The following CSMD1 variants were observed in gnomAD, a reference collection of about 807,000 sequenced individuals.
The protein encoded by CSMD1 is CUB and Sushi multiple domains 1.
A neutral mutation model predicts 417.5 loss-of-function variants in CSMD1; 213 were observed. The observed-to-expected ratio is 0.51, with a 90% CI of 0.46 to 0.57. CSMD1 has a LOEUF of 0.57. Ranked by LOEUF, CSMD1 falls within the 20% of genes least tolerant of loss-of-function variation. The pLI is 0.00. For missense variants in CSMD1, 6,923 were observed against 4,529.7 expected (o/e 1.53, Z -15.17); for synonymous variants, 2,862 against 1,736.8 (o/e 1.65, Z -16.11).
rs368344632 is a variant in CSMD1, at chr8:4,745,810, G to C, written c.86-108252C>G. On this transcript the variant is annotated intron_variant, in intron 1 of 69. Coordinates refer to ENST00000635120, the MANE Select transcript of CSMD1 (RefSeq NM_033225.6). Reference sequence around the variant, plus strand: ...CTACCACAAGTACAGTGAGATGCTAGTACAAATGAGGGGTGAAGAAGATGC... The same window carrying C: ...CTACCACAAGTACAGTGAGATGCTACTACAAATGAGGGGTGAAGAAGATGC... 6.6e-5 allele frequency among the ~76,000 whole-genome samples: 10 copies of C among 152,244 alleles called. 1 individual carries two copies. In the East Asian group the frequency reaches 9.7e-4, roughly 15 times the overall value.
intron 43 of CSMD1, among the ~76,000 whole-genome samples, chr8:3,109,709 G>C (rs1344012321): frequency 6.6e-6 from 1 of 151,646 alleles, no homozygotes; most frequent in Non-Finnish European, 1.5e-5. Flanking sequence ...TGCTCCCCCT[G>C]TGGGCTCCAA....
chr8:3,839,369 C>G (rs1339977208), intron 5 of CSMD1, among the ~76,000 whole-genome samples: 3 of 66,588 alleles, frequency 4.5e-5, no homozygotes, highest in Non-Finnish European at 5.7e-5. Context: ...AATATATACT[C>G]TCTCTAGATA....
At position 4,986,291 on chromosome 8, in the gene CSMD1, A is replaced by C. The variant is rs1240181364; in HGVS notation, c.85+8041T>G. ...CTATCAAGGAGGTGTAATTTTATAG[A>C]AAAGGGAATGATGAGAGTCCCCGAC... On this transcript the variant is annotated intron_variant, in intron 1 of 69. Coordinates refer to ENST00000635120, the MANE Select transcript of CSMD1 (RefSeq NM_033225.6). Among the ~76,000 whole-genome samples, 4 of 152,192 alleles carry C rather than the reference A, an allele frequency of 2.6e-5. No individual in the cohort carries two copies. The East Asian group carries it at 7.7e-4, about 29-fold the overall frequency.
In CSMD1 at chr8:3,187,956, T is replaced by C; in HGVS notation, c.5533A>G (p.Ile1845Val). Residue 1845 changes from isoleucine to valine, a missense_variant, in exon 36 of 70, where the codon ATC (isoleucine) becomes GTC (valine). Physicochemically the swap from Ile to Val is conservative, Grantham distance 29. Transcript: ENST00000635120. ...TEGSGIQIQV[I>V]SFATEQNWDS... Reference sequence around the variant, plus strand: ...CAGTTCTGCTCCGTGGCAAAACTGATCACTTGGATCTACCAAACCATGACA... The same window carrying C: ...CAGTTCTGCTCCGTGGCAAAACTGACCACTTGGATCTACCAAACCATGACA... The C allele has an allele frequency of 3.1e-6, 5 of 1,612,740 alleles. No homozygotes were observed. Among genetic ancestry groups the C allele is most frequent in the Non-Finnish European group, 4.2e-6 (5 of 1,179,432 alleles).
chr8:3,800,664 C>G (rs556144986), intron 5 of CSMD1, among the ~76,000 whole-genome samples: 26 of 152,094 alleles, frequency 1.7e-4, no homozygotes, highest in Non-Finnish European at 3.2e-4. Flanking sequence ...TCATGAACGG[C>G]TTGGTGATAT....
intron 7 of CSMD1, among the ~76,000 whole-genome samples, chr8:3,644,045 T>A (rs1173032013): frequency 6.6e-6 from 1 of 152,152 alleles, no homozygotes; most frequent in Admixed American, 6.6e-5. Context: ...ACACAAGGAA[T>A]CAAAGCTTCC....
rs940145690 is a variant in CSMD1, at chr8:4,317,783, T to C, written c.415+102170A>G. On this transcript the variant is annotated intron_variant, in intron 3 of 69. Transcript: ENST00000635120. ...CCACACTGCCCCAGAAGTTTTCTTT[T>C]ATATAGTAAAGTGCCTGATACATTG... 7.9e-5 allele frequency among the ~76,000 whole-genome samples: 12 copies of C among 152,310 alleles called. No individual in the cohort carries two copies. In the South Asian group the frequency reaches 1.2e-3, roughly 16 times the overall value.
chr8:4,013,903 A>C (rs1283713416), intron 4 of CSMD1, among the ~76,000 whole-genome samples: 1 of 152,164 alleles, frequency 6.6e-6, no homozygotes, highest in African/African-American at 2.4e-5. Context: ...AATATTTGCT[A>C]TCTGGCCTTT....
intron 1 of CSMD1, among the ~76,000 whole-genome samples, chr8:4,933,423 G>T (rs943227108): frequency 6.6e-6 from 1 of 152,148 alleles, no homozygotes; most frequent in Non-Finnish European, 1.5e-5. Context: ...CATATTTTGG[G>T]TCTTTGTGTC....
chr8:3,249,673 CATGTA>C (rs1244124089), intron 26 of CSMD1, among the ~76,000 whole-genome samples: 14 of 152,040 alleles, frequency 9.2e-5, no homozygotes, highest in Non-Finnish European at 1.3e-4. Context: ...TAACTTCAAA[CATGTA>C]ATGTAAATTT....
rs62484628 is a variant in CSMD1, at chr8:4,816,238, G to A, written c.85+178094C>T. 8.7e-3 allele frequency among the ~76,000 whole-genome samples: 1,320 copies of A among 152,088 alleles called. 11 individuals carry two copies. The highest frequency in any genetic ancestry group is 0.014 in the Non-Finnish European group (976 of 68,000). ...CTCGCTCTGTTGCCCAGTTTGGAGT[G>A]CAGTAGTGCAATCTTGGCTCACTGC... On this transcript the variant is annotated intron_variant, in intron 1 of 69. Coordinates refer to ENST00000635120, the MANE Select transcript of CSMD1 (RefSeq NM_033225.6).
At chr8:4,216,472 G>A (rs1308393230) in intron 3 of CSMD1, among the ~76,000 whole-genome samples, 1 of 152,142 alleles carries the variant, frequency 6.6e-6, no homozygotes, top group Non-Finnish European at 1.5e-5. Flanking sequence ...TTAGTAATTA[G>A]TAAAATTTTA....
At chr8:4,355,876 G>T (rs1457405954) in intron 3 of CSMD1, among the ~76,000 whole-genome samples, 1 of 152,188 alleles carries the variant, frequency 6.6e-6, no homozygotes, top group Non-Finnish European at 1.5e-5. Flanking sequence ...ACCAGGCCTT[G>T]CCATTTAAAC....
At chr8:3,451,742 G>A (rs193062994) in intron 12 of CSMD1, among the ~76,000 whole-genome samples, 5 of 152,284 alleles carry the variant, frequency 3.3e-5, no homozygotes, top group African/African-American at 7.2e-5. Context: ...TTTGAAGTCA[G>A]GTAGCATGAC....
At chr8:3,207,314 AT>A (rs34423835) in intron 30 of CSMD1, among the ~76,000 whole-genome samples, 9,402 of 138,182 alleles carry the variant, frequency 0.068, 325 homozygotes, top group South Asian at 0.098. Context: ...CACCTGGCTG[AT>A]TTTTTTTTTT....
chr8:2,963,691 G>C (rs1323958954), intron 59 of CSMD1, among the ~76,000 whole-genome samples: 1 of 152,162 alleles, frequency 6.6e-6, no homozygotes, highest in Admixed American at 6.5e-5. Context: ...AAACGTTCTT[G>C]CTTAATTTGT....
chr8:4,394,714 C>T (rs776981990), intron 3 of CSMD1, among the ~76,000 whole-genome samples: 6 of 152,160 alleles, frequency 3.9e-5, no homozygotes, highest in African/African-American at 1.2e-4. Flanking sequence ...TTATCTGTTG[C>T]CCAGATCAAA....
chr8:3,744,466 A>C (rs1796968197), intron 6 of CSMD1, among the ~76,000 whole-genome samples: 1 of 151,638 alleles, frequency 6.6e-6, no homozygotes, highest in Non-Finnish European at 1.5e-5. Context: ...CTAGATTTTA[A>C]CTAGGACTTC....
chr8:4,580,698 G>C (rs1195467914), intron 2 of CSMD1, among the ~76,000 whole-genome samples: 1 of 152,172 alleles, frequency 6.6e-6, no homozygotes, highest in East Asian at 1.9e-4. Flanking sequence ...AGGTAAATGC[G>C]ACAACACCAG....
Sources: allele counts gnomAD v4.1 joint callset (sites outside exome capture counted in the v4.1 genomes callset), GRCh38; gene constraint gnomAD v4.1.1; transcripts MANE v1.5; gene names NCBI Gene and HGNC (gene_info 2026-07-23, HGNC 2026-07-21).